The following GASK1B variants were observed in gnomAD, a reference collection of about 807,000 sequenced individuals.
GASK1B encodes Golgi-associated kinase 1B.
GASK1B carries 34 observed loss-of-function variants against 42.8 expected under a neutral mutation model. The ratio of observed to expected loss-of-function variants is 0.79; its 90% CI spans 0.60 to 1.06. The LOEUF is 1.06. Among genes scored for constraint, GASK1B ranks in the 50% least tolerant of loss-of-function variants. GASK1B has a pLI of 0.00. For missense variants in GASK1B, 686 were observed against 661.0 expected (o/e 1.04, Z -0.42); for synonymous variants, 262 against 259.1 (o/e 1.01, Z -0.11).
At chr4:158,163,394 C>A (rs541643511) in intron 2 of GASK1B, among the ~76,000 whole-genome samples, 27 of 152,046 alleles carry the variant, frequency 1.8e-4, no homozygotes, top group Non-Finnish European at 2.9e-5. Context: ...CATGGTGAAA[C>A]CCTGTCTCTA....
intron 3 of GASK1B, among the ~76,000 whole-genome samples, chr4:158,138,239 C>T (rs1730980597): frequency 6.6e-6 from 1 of 152,122 alleles, no homozygotes; most frequent in South Asian, 2.1e-4. Flanking sequence ...AAGCAACAAT[C>T]TATTTTTGGA....
intron 3 of GASK1B, among the ~76,000 whole-genome samples, chr4:158,133,436 A>G (rs749383825): frequency 2.0e-5 from 3 of 152,174 alleles, no homozygotes; most frequent in Non-Finnish European, 4.4e-5. Flanking sequence ...TTCTTCCATC[A>G]TTGTGGACTT....
rs1732404063 is a variant in GASK1B at position 158,170,040 on chromosome 4, C to A, written c.910+426G>T. On this transcript the variant is annotated intron_variant, in intron 2 of 4. Transcript: ENST00000585682. ...GATTCCATCTGCTCAAGAACGATAA[C>A]CCGCTTCCCCCTTACTTTTAAAAAC... is the stretch of plus-strand genomic sequence containing the variant. 5.0e-6 allele frequency: 3 copies of A among 598,016 alleles called. No homozygotes were observed. The South Asian group carries it at 6.7e-5, about 13-fold the overall frequency. 37.0% of individuals were successfully genotyped at this position (598,016 alleles called of 1,614,324 possible). A position where few individuals can be genotyped will look rare whatever the true frequency, so the allele number is the denominator to read the frequency against.
rs757829847 is a variant in GASK1B, at chr4:158,171,078, A to G, written c.298T>C (p.Ser100Pro). 22 of 1,610,562 alleles carry G rather than the reference A, an allele frequency of 1.4e-5. No homozygotes were observed. In the African/African-American group the frequency reaches 2.4e-4, roughly 18 times the overall value. ...TACACCACATTGGGCTGCAGAGTGG[A>G]CCCATTGCCCTGGGACTCTGGAGGG... ...LAPPESQGNGSTLQPNVVYIT... is the reference protein window; with the variant it reads ...LAPPESQGNGPTLQPNVVYIT... The change falls in exon 2 of 5, where the codon TCC (serine) becomes CCC (proline). Residue 100 changes from serine (S) to proline (P), a missense_variant. Coordinates refer to ENST00000585682, the MANE Select transcript of GASK1B (RefSeq NM_001128424.2).
chr4:158,161,175 A>T (rs1186494172), intron 2 of GASK1B, among the ~76,000 whole-genome samples: 2 of 152,168 alleles, frequency 1.3e-5, no homozygotes, highest in Non-Finnish European at 2.9e-5. Context: ...ATTTAAATTT[A>T]AAAAAATAAG....
chr4:158,171,318 C>T lies in GASK1B; in HGVS notation c.58G>A (p.Val20Ile), dbSNP rs1732525669. Residue 20 changes from valine (V) to isoleucine (I), a missense_variant, in exon 2 of 5, where the codon GTC becomes ATC. By Grantham distance (29) the Val-to-Ile change is conservative. Transcript: ENST00000585682. ...CTCCAGAGCTTACGCACCCGCGGGA[C>T]GCACAGGGAGCAGATGAACCAGTTT... ...LINWFICSLC[V>I]PRVRKLWSSR... 1 of 1,612,232 alleles carries T rather than the reference C, an allele frequency of 6.2e-7. No individual in the cohort carries two copies. Among genetic ancestry groups the T allele is most frequent in the African/African-American group, 1.3e-5 (1 of 74,932 alleles).
Position 158,170,577 on chromosome 4 carries a change from G to A in GASK1B, c.799C>T (p.Leu267Phe). The A allele has an allele frequency of 1.2e-6, 2 of 1,614,120 alleles. No homozygotes were observed. The highest frequency in any genetic ancestry group is 1.7e-6 in the Non-Finnish European group (2 of 1,180,040). Residue 267 changes from leucine to phenylalanine, a missense_variant, in exon 2 of 5, where the codon CTT becomes TTT. Physicochemically the swap from Leu to Phe is conservative, Grantham distance 22. Transcript: ENST00000585682. ...VLRCGPSPCG[L>F]LKQPLDMSEV... Reference sequence around the variant, plus strand: ...CTCATGTCCAAGGGCTGCTTGAGAAGCCCACAGGGGCTAGGGCCACAGCGG... The same window carrying A: ...CTCATGTCCAAGGGCTGCTTGAGAAACCCACAGGGGCTAGGGCCACAGCGG...
At chr4:158,151,576 G>A (rs924253065) in intron 3 of GASK1B, among the ~76,000 whole-genome samples, 2 of 152,054 alleles carry the variant, frequency 1.3e-5, no homozygotes, top group Admixed American at 1.3e-4. Flanking sequence ...AAAATTCTAA[G>A]CCCCCAACCA....
At chr4:158,172,734 G>C (rs1404041850) in intron 1 of GASK1B, 134 bp downstream of exon 1, 1 of 152,080 alleles carries the variant, frequency 6.6e-6, no homozygotes, top group South Asian at 2.1e-4. Flanking sequence ...TCAAAAGATC[G>C]AGAATGTTTG....
intron 3 of GASK1B, among the ~76,000 whole-genome samples, chr4:158,149,879 G>C (rs982535620): frequency 2.1e-5 from 3 of 143,478 alleles, no homozygotes; most frequent in Non-Finnish European, 3.0e-5. Context: ...ACTGTTGAGA[G>C]ACAATTCTTC....
Position 158,130,970 on chromosome 4 carries a change from G to A in GASK1B, c.1168C>T (p.Arg390Cys), listed in dbSNP as rs150187699. The change falls in exon 4 of 5, where the codon CGC (arginine) becomes TGC (cysteine). Residue 390 changes from arginine to cysteine, a missense_variant. Transcript: ENST00000585682. ...LDTNCCGFRP[R>C]KEDACVQNGL... The stretch of plus-strand genomic sequence containing the variant: ...TTCTGTACACAGGCATCTTCCTTGC[G>A]AGGTCTGAATCCACAGCAATTTGTA... 238 of 1,613,846 alleles carry A rather than the reference G, an allele frequency of 1.5e-4. No individual in the cohort carries two copies. The highest frequency in any genetic ancestry group is 1.9e-4 in the Non-Finnish European group (223 of 1,179,954).
intron 2 of GASK1B, among the ~76,000 whole-genome samples, chr4:158,156,667 A>G (rs975350222): frequency 6.6e-6 from 1 of 152,198 alleles, no homozygotes; most frequent in Non-Finnish European, 1.5e-5. Context: ...TTAAGCTTAA[A>G]ACCAATAACA....
intron 3 of GASK1B, among the ~76,000 whole-genome samples, chr4:158,136,396 A>C (rs2110941721): frequency 6.6e-6 from 1 of 152,256 alleles, no homozygotes; most frequent in African/African-American, 2.4e-5. Context: ...AAAATTTTTT[A>C]TGTGTCTGCA....
intron 4 of GASK1B, among the ~76,000 whole-genome samples, chr4:158,128,537 TAA>T (rs1232996148): frequency 1.3e-5 from 2 of 152,218 alleles, no homozygotes; most frequent in African/African-American, 4.8e-5. Context: ...AATATTGTTT[TAA>T]GAGTACATTT....
intron 2 of GASK1B, 169 bp downstream of exon 2, chr4:158,170,297 C>G: frequency 6.2e-7 from 1 of 1,614,230 alleles, no homozygotes; most frequent in Non-Finnish European, 8.5e-7. Flanking sequence ...TCCTCCCAGG[C>G]TGGGAAAATA....
In GASK1B at chr4:158,135,672, G is replaced by C. The variant is rs983551938; in HGVS notation, c.1126-4660C>G. On this transcript the variant is annotated intron_variant, in intron 3 of 4. Coordinates refer to ENST00000585682, the MANE Select transcript of GASK1B (RefSeq NM_001128424.2). ...CTTATCCATCCTGATTGTATCTCTC[G>C]GGGGTAGTCTCCAAAACGATACTGC... Among the ~76,000 whole-genome samples the C allele has an allele frequency of 1.1e-4, 16 of 151,892 alleles. No individual in the cohort carries two copies. The East Asian group carries it at 3.1e-3, about 29-fold the overall frequency.
At chr4:158,145,623 A>G (rs1219877584) in intron 3 of GASK1B, among the ~76,000 whole-genome samples, 3 of 151,928 alleles carry the variant, frequency 2.0e-5, no homozygotes, top group African/African-American at 7.3e-5. Context: ...TTCTGTCTAC[A>G]CTCTCAAAAT....
At chr4:158,130,652 T>C in intron 4 of GASK1B, 134 bp downstream of exon 4, 1 of 744,258 alleles carries the variant, frequency 1.3e-6, no homozygotes, top group Non-Finnish European at 2.2e-6. Flanking sequence ...TTCTTGGGTC[T>C]CCATTCCCAG....
At chr4:158,156,842 A>T (rs2044674890) in intron 2 of GASK1B, among the ~76,000 whole-genome samples, 1 of 152,148 alleles carries the variant, frequency 6.6e-6, no homozygotes, top group African/African-American at 2.4e-5. Context: ...TGAACAACAG[A>T]GGCCTCTGAA....
Sources: allele counts gnomAD v4.1 joint callset (sites outside exome capture counted in the v4.1 genomes callset), GRCh38; gene constraint gnomAD v4.1.1; transcripts MANE v1.5; gene names NCBI Gene and HGNC (gene_info 2026-07-23, HGNC 2026-07-21).